CLDN11: variants seen among roughly 807,000 people sequenced by gnomAD.
The protein encoded by CLDN11 is claudin-11.
A neutral mutation model predicts 18.0 loss-of-function variants in CLDN11; 1 was observed. The observed-to-expected ratio is 0.06, with a 90% CI of 0.02 to 0.26. The LOEUF (loss-of-function observed/expected upper bound fraction) is 0.26. Among genes scored for constraint, CLDN11 ranks in the 10% least tolerant of loss-of-function variants. CLDN11 has a pLI of 1.00. For missense variants in CLDN11, 172 were observed against 276.6 expected (o/e 0.62, Z 2.68); for synonymous variants, 116 against 121.5 (o/e 0.96, Z 0.30).
Position 170,423,212 on chromosome 3 carries a change from T to C in CLDN11, c.276T>C (p.Gly92=). Residue 92 remains glycine (G), a synonymous_variant, in exon 2 of 3, where the codon GGT becomes GGC. Coordinates refer to ENST00000064724, the MANE Select transcript of CLDN11 (RefSeq NM_005602.6). ...RALMIAASVL[G]LPAILLLLTV... is the part of the protein sequence containing the mutation. ...TGATGATTGCTGCCTCGGTCCTGGG[T>C]CTGCCGGCCATTTTACTGCTGCTGA... 6.2e-7 allele frequency: 1 copy of C among 1,614,186 alleles called. No homozygotes were observed. Among genetic ancestry groups the C allele is most frequent in the African/African-American group, 1.3e-5 (1 of 75,034 alleles).
chr3:170,421,274 A>G (rs2108243388), intron 1 of CLDN11: 2 of 985,722 alleles, frequency 2.0e-6, no homozygotes, highest in Admixed American at 6.1e-5. Context: ...TTGGCACTGT[A>G]GCATGTGGAC....
chr3:170,427,184 T>G (rs1738876117), intron 2 of CLDN11, among the ~76,000 whole-genome samples: 1 of 152,222 alleles, frequency 6.6e-6, no homozygotes, highest in African/African-American at 2.4e-5. Context: ...ACTTCTCCAT[T>G]TCTTCCAGTC....
At chr3:170,424,884 C>G (rs1738809324) in intron 2 of CLDN11, among the ~76,000 whole-genome samples, 1 of 151,272 alleles carries the variant, frequency 6.6e-6, no homozygotes, top group Admixed American at 6.6e-5. Flanking sequence ...TGCAAAGGGA[C>G]GGAGGTTTGC....
At chr3:170,420,578 C>T (rs1312850677) in intron 1 of CLDN11, among the ~76,000 whole-genome samples, 3 of 152,190 alleles carry the variant, frequency 2.0e-5, no homozygotes, top group African/African-American at 7.2e-5. Context: ...TCTCCCACTA[C>T]GTTTTAAATT....
In CLDN11 at chr3:170,433,797, C is replaced by T. The variant is rs981942344; in HGVS notation, c.*1041C>T. On this transcript the variant is annotated 3_prime_UTR_variant, in exon 3 of 3. Coordinates refer to ENST00000064724, the MANE Select transcript of CLDN11 (RefSeq NM_005602.6). The stretch of plus-strand genomic sequence containing the variant: ...AATAACAGTGCAAGTGAGTATAACT[C>T]TAACTGATGTTCCACAAAACATTTT... 1.3e-5 allele frequency: 2 copies of T among 152,626 alleles called. No individual in the cohort carries two copies. Among genetic ancestry groups the T allele is most frequent in the African/African-American group, 4.8e-5 (2 of 41,446 alleles). The allele number at this position is 152,626 out of a possible 1,614,324, so 9.5% of individuals were successfully genotyped here. A position where few individuals can be genotyped will look rare whatever the true frequency, so the allele number is the denominator to read the frequency against.
intron 2 of CLDN11, among the ~76,000 whole-genome samples, chr3:170,424,356 G>A (rs1283456678): frequency 6.6e-6 from 1 of 152,340 alleles, no homozygotes; most frequent in East Asian, 1.9e-4. Context: ...GAACCCAGCA[G>A]TAAGCTCTGA....
chr3:170,423,200 C>G lies in CLDN11; in HGVS notation c.264C>G (p.Ala88=). Residue 88 remains alanine, a synonymous_variant, in exon 2 of 3, where the codon GCC becomes GCG. Transcript: ENST00000064724. ...CCTGCCGCGCCCTGATGATTGCTGC[C>G]TCGGTCCTGGGTCTGCCGGCCATTT... ...VQACRALMIA[A]SVLGLPAILL... The G allele has an allele frequency of 6.2e-7, 1 of 1,614,216 alleles. No individual in the cohort carries two copies. The highest frequency in any genetic ancestry group is 1.1e-5 in the South Asian group (1 of 91,080).
intron 2 of CLDN11, among the ~76,000 whole-genome samples, chr3:170,429,040 T>A (rs752782142): frequency 6.6e-6 from 1 of 152,262 alleles, no homozygotes; most frequent in Non-Finnish European, 1.5e-5. Flanking sequence ...GTTATATTAC[T>A]ATTTCACATT....
At chr3:170,428,953 C>T (rs570877361) in intron 2 of CLDN11, among the ~76,000 whole-genome samples, 1 of 152,262 alleles carries the variant, frequency 6.6e-6, no homozygotes, top group African/African-American at 2.4e-5. Flanking sequence ...ATTCCAAACT[C>T]ATCTTTTTGG....
intron 2 of CLDN11, among the ~76,000 whole-genome samples, chr3:170,425,498 A>C (rs1738831939): frequency 6.6e-6 from 1 of 152,262 alleles, no homozygotes. Flanking sequence ...ATATTGAAGG[A>C]AAAAGCAACC....
intron 2 of CLDN11, among the ~76,000 whole-genome samples, chr3:170,431,144 A>C (rs1577473468): frequency 6.6e-6 from 1 of 152,180 alleles, no homozygotes; most frequent in Non-Finnish European, 1.5e-5. Context: ...ATTTAGAACT[A>C]ATATACAAGG....
chr3:170,430,608 C>T (rs1000108381), intron 2 of CLDN11, among the ~76,000 whole-genome samples: 5 of 151,656 alleles, frequency 3.3e-5, no homozygotes, highest in African/African-American at 4.8e-5. Flanking sequence ...GCAAGATCTC[C>T]GCTCACTGCA....
chr3:170,419,374 A>G lies in CLDN11; in HGVS notation c.226+82A>G, dbSNP rs1738665698. Reference sequence around the variant, plus strand: ...GGATATTAGACGGCGTCACAGAGACATTTTGGGGGCTTGAAGACCTTTGGG... The same window carrying G: ...GGATATTAGACGGCGTCACAGAGACGTTTTGGGGGCTTGAAGACCTTTGGG... On this transcript the variant is annotated intron_variant, in intron 1 of 2. Coordinates refer to ENST00000064724, the MANE Select transcript of CLDN11 (RefSeq NM_005602.6). This position sits in a 1 kb window ranked among gnomAD's most constrained non-coding sequence, Gnocchi z 8.6. 2 of 1,039,694 alleles carry G rather than the reference A, an allele frequency of 1.9e-6. No homozygotes were observed. Among genetic ancestry groups the G allele is most frequent in the Admixed American group, 5.1e-5 (2 of 39,268 alleles). 64.4% of individuals were successfully genotyped at this position (1,039,694 alleles called of 1,614,324 possible).
At chr3:170,427,246 C>T (rs1047143711) in intron 2 of CLDN11, among the ~76,000 whole-genome samples, 4 of 152,060 alleles carry the variant, frequency 2.6e-5, no homozygotes, top group African/African-American at 7.2e-5. Flanking sequence ...AGATTTTTTT[C>T]GCTATTACTA....
chr3:170,426,206 C>T (rs1173428202), intron 2 of CLDN11, among the ~76,000 whole-genome samples: 1 of 152,218 alleles, frequency 6.6e-6, no homozygotes, highest in East Asian at 1.9e-4. Flanking sequence ...TAATTGAAAT[C>T]AGTTTTTCCT....
At chr3:170,420,840 A>G (rs980377471) in intron 1 of CLDN11, among the ~76,000 whole-genome samples, 11 of 152,178 alleles carry the variant, frequency 7.2e-5, no homozygotes, top group South Asian at 2.1e-4. Flanking sequence ...GAGGGGGGAC[A>G]AATTGCTAGC....
In CLDN11 at chr3:170,419,326, C is replaced by G. The variant is rs973333670; in HGVS notation, c.226+34C>G. 6.8e-7 allele frequency: 1 copy of G among 1,471,002 alleles called. No individual in the cohort carries two copies. The allele number at this position is 1,471,002 out of a possible 1,614,324, so 91.1% of individuals were successfully genotyped here. On this transcript the variant is annotated intron_variant, in intron 1 of 2. Transcript: ENST00000064724. The surrounding 1 kb of genome is among the most constrained non-coding windows in gnomAD (Gnocchi z 8.6). ...CCGAGCTTGGCGGCGGCTCCCAAAT[C>G]CTTATCCTCTGGGTAGAGAGCGGGA...
Position 170,419,386 on chromosome 3 carries a change from T to C in CLDN11, c.226+94T>C. On this transcript the variant is annotated intron_variant, in intron 1 of 2. Coordinates refer to ENST00000064724, the MANE Select transcript of CLDN11 (RefSeq NM_005602.6). The surrounding 1 kb of genome is among the most constrained non-coding windows in gnomAD (Gnocchi z 8.6). The stretch of plus-strand genomic sequence containing the variant: ...GCGTCACAGAGACATTTTGGGGGCT[T>C]GAAGACCTTTGGGTACGTTTTTGAC... 1 of 883,780 alleles carries C rather than the reference T, an allele frequency of 1.1e-6. No individual in the cohort carries two copies. Among genetic ancestry groups the C allele is most frequent in the Admixed American group, 2.6e-5 (1 of 38,066 alleles). The allele number at this position is 883,780 out of a possible 1,614,324, so 54.7% of individuals were successfully genotyped here.
At chr3:170,429,940 T>C (rs1451123851) in intron 2 of CLDN11, among the ~76,000 whole-genome samples, 1 of 152,252 alleles carries the variant, frequency 6.6e-6, no homozygotes, top group Non-Finnish European at 1.5e-5. Context: ...TAATTGTTTA[T>C]AGGAAAGATC....
Sources: allele counts gnomAD v4.1 joint callset (sites outside exome capture counted in the v4.1 genomes callset), GRCh38; gene constraint gnomAD v4.1.1; non-coding constraint Gnocchi (gnomAD v3.1); transcripts MANE v1.5; gene names NCBI Gene and HGNC (gene_info 2026-07-23, HGNC 2026-07-21).